Variants in HACE1 observed in about 807,000 individuals in gnomAD.
HACE1 encodes the protein HECT domain and ankyrin repeat containing E3 ubiquitin protein ligase 1.
HACE1 carries 73 observed loss-of-function variants against 118.4 expected under a neutral mutation model. The ratio of observed to expected loss-of-function variants is 0.62; its 90% CI spans 0.51 to 0.75. HACE1 has a LOEUF of 0.75. Ranked by LOEUF, HACE1 falls within the 30% of genes least tolerant of loss-of-function variation. HACE1 has a pLI of 0.00. For missense variants in HACE1, 749 were observed against 1,102.2 expected (o/e 0.68, Z 4.54); for synonymous variants, 368 against 374.8 (o/e 0.98, Z 0.21).
At chr6:104,811,277 C>T (rs2168394) in intron 7 of HACE1, 34 bp downstream of exon 7, 303,963 of 602,268 alleles carry the variant, frequency 0.5, 78,873 homozygotes, top group African/African-American at 0.79. Flanking sequence ...TATATATGAG[C>T]ATATATAGCA....
intron 2 of HACE1, 130 bp downstream of exon 2, chr6:104,852,187 T>C: frequency 3.1e-6 from 2 of 653,130 alleles, no homozygotes; most frequent in South Asian, 1.7e-5. Flanking sequence ...AGAACATCTA[T>C]GTCCAAACTG....
rs1177876499 is a variant in HACE1, at chr6:104,811,242, T to TATATATATATATATA, written c.617+68_617+69insTATATATATATATAT. On this transcript the variant is annotated intron_variant, in intron 7 of 23. Transcript: ENST00000262903. ...TCTGGAAATATATATATTTCTTTAT[T>TATATATATATATATA]TATACATATATATATATATATATAT... 5.3e-3 allele frequency: 1,022 copies of TATATATATATATATA among 191,666 alleles called. 4 individuals are homozygous for TATATATATATATATA. The highest frequency in any genetic ancestry group is 9.7e-3 in the Admixed American group (120 of 12,310). The allele number at this position is 191,666 out of a possible 1,614,324, so 11.9% of individuals were successfully genotyped here.
At chr6:104,764,266 C>T (rs558784409) in intron 19 of HACE1, among the ~76,000 whole-genome samples, 23 of 152,104 alleles carry the variant, frequency 1.5e-4, no homozygotes, top group African/African-American at 2.4e-4. Flanking sequence ...TTAGTAGAGA[C>T]GGGGTTTCAC....
rs555507192 is a variant in HACE1, at chr6:104,837,677, C to G, written c.403-4504G>C. ...AAAAACTTTTGCTCTTCAAAAGACC[C>G]TCTTAACACCACTATTAGAAACAGT... On this transcript the variant is annotated intron_variant, in intron 5 of 23. Coordinates refer to ENST00000262903, the MANE Select transcript of HACE1 (RefSeq NM_020771.4). 2.6e-5 allele frequency among the ~76,000 whole-genome samples: 4 copies of G among 152,256 alleles called. No individual in the cohort carries two copies. In the South Asian group the frequency reaches 8.3e-4, roughly 32 times the overall value.
At chr6:104,752,345 T>C (rs1459103251) in intron 19 of HACE1, among the ~76,000 whole-genome samples, 1 of 152,206 alleles carries the variant, frequency 6.6e-6, no homozygotes, top group Non-Finnish European at 1.5e-5. Context: ...ATATATAAAA[T>C]ATTTCATAGT....
chr6:104,771,057 T>C (rs1010107278), intron 19 of HACE1, 136 bp downstream of exon 19: 3 of 652,102 alleles, frequency 4.6e-6, no homozygotes, highest in Non-Finnish European at 8.2e-6. Flanking sequence ...ATTGTTTTAT[T>C]AACTTAAACG....
At chr6:104,785,850 A>G (rs1418817094) in intron 11 of HACE1, 1 of 153,442 alleles carries the variant, frequency 6.5e-6, no homozygotes, top group African/African-American at 2.4e-5. Context: ...GAATCCCTAA[A>G]GAACCTAATG....
intron 19 of HACE1, among the ~76,000 whole-genome samples, chr6:104,756,715 G>C (rs991349109): frequency 2.0e-5 from 3 of 152,134 alleles, no homozygotes; most frequent in Non-Finnish European, 4.4e-5. Context: ...GCAGCCCACG[G>C]AGGGCGAGCC....
intron 14 of HACE1, 143 bp downstream of exon 14, chr6:104,783,943 C>T: frequency 3.1e-6 from 2 of 651,754 alleles, no homozygotes; most frequent in South Asian, 1.9e-5. Context: ...TTGAAGAAAA[C>T]TTACTCCTCA....
chr6:104,853,723 A>G lies in HACE1; in HGVS notation c.77-1352T>C, dbSNP rs184307237. On this transcript the variant is annotated intron_variant, in intron 1 of 23. Coordinates refer to ENST00000262903, the MANE Select transcript of HACE1 (RefSeq NM_020771.4). Reference sequence around the variant, plus strand: ...ACTGACAAAGGGTAACATCACCAAAAATAATATATGCTCAATATCATATAG... The same window carrying G: ...ACTGACAAAGGGTAACATCACCAAAGATAATATATGCTCAATATCATATAG... Among the ~76,000 whole-genome samples the G allele has an allele frequency of 3.4e-3, 513 of 152,276 alleles. 5 individuals are homozygous for G. Among genetic ancestry groups the G allele is most frequent in the Non-Finnish European group, 4.0e-3 (269 of 68,024 alleles).
intron 22 of HACE1, among the ~76,000 whole-genome samples, chr6:104,741,355 AG>A (rs1279555348): frequency 6.7e-6 from 1 of 150,288 alleles, no homozygotes; most frequent in East Asian, 2.0e-4. Flanking sequence ...AATTAGGAAA[AG>A]AGGAAGTCAA....
At chr6:104,833,241 T>C (rs1774184970) in intron 5 of HACE1, 68 bp from the exon 6 acceptor site, 12 of 1,397,948 alleles carry the variant, frequency 8.6e-6, no homozygotes, top group Non-Finnish European at 1.1e-5. Context: ...AGATAAATAA[T>C]GTTATTTCTC....
At chr6:104,768,944 A>T (rs1780326357) in intron 19 of HACE1, among the ~76,000 whole-genome samples, 2 of 152,166 alleles carry the variant, frequency 1.3e-5, no homozygotes, top group Admixed American at 6.5e-5. Context: ...AAAATTAATA[A>T]TATTTTAAAA....
intron 7 of HACE1, among the ~76,000 whole-genome samples, chr6:104,800,460 G>A (rs578204826): frequency 6.6e-6 from 1 of 152,268 alleles, no homozygotes; most frequent in African/African-American, 2.4e-5. Context: ...ACACCTCCTA[G>A]TAGGGGCAAC....
intron 19 of HACE1, among the ~76,000 whole-genome samples, chr6:104,752,575 A>G (rs553149483): frequency 3.3e-5 from 5 of 152,196 alleles, no homozygotes; most frequent in South Asian, 2.1e-4. Context: ...GTGTGACTCA[A>G]TAATCTCTGT....
chr6:104,796,826 T>A (rs1769695731), intron 8 of HACE1, 70 bp from the exon 9 acceptor site: 13 of 1,118,852 alleles, frequency 1.2e-5, no homozygotes, highest in African/African-American at 3.1e-5. Context: ...CTTCACACAA[T>A]AAAAATCTTT....
At chr6:104,853,902 A>C (rs140432320) in intron 1 of HACE1, among the ~76,000 whole-genome samples, 1 of 152,156 alleles carries the variant, frequency 6.6e-6, no homozygotes, top group East Asian at 1.9e-4. Flanking sequence ...CCTACATGAT[A>C]AAGTTTAATT....
intron 22 of HACE1, among the ~76,000 whole-genome samples, chr6:104,733,187 T>C (rs1775399249): frequency 6.6e-6 from 1 of 152,240 alleles, no homozygotes; most frequent in South Asian, 2.1e-4. Context: ...AAAATAAATG[T>C]TGACATTGAT....
intron 22 of HACE1, among the ~76,000 whole-genome samples, chr6:104,737,372 G>A (rs552542012): frequency 5.9e-5 from 9 of 151,788 alleles, no homozygotes; most frequent in South Asian, 4.2e-4. Context: ...CTCCCAGCGT[G>A]AGCCACGCAA....
Sources: gnomAD v4.1 joint callset for allele counts (sites outside exome capture counted in the v4.1 genomes callset) on GRCh38, gnomAD v4.1.1 for gene constraint, MANE v1.5 for transcripts, NCBI Gene and HGNC (gene_info 2026-07-23, HGNC 2026-07-21) for gene names.